Variants in DSCAML1 observed in about 807,000 individuals in gnomAD.
DSCAML1 encodes the protein DS cell adhesion molecule like 1.
In DSCAML1, 38 loss-of-function variants were observed where a neutral mutation model predicts 200.5. That is an observed-to-expected ratio of 0.19 (90% CI 0.15 to 0.25). The LOEUF (loss-of-function observed/expected upper bound fraction) is 0.25. Ranked by LOEUF, DSCAML1 falls within the 10% of genes least tolerant of loss-of-function variation. The pLI, the probability that DSCAML1 is intolerant of heterozygous loss-of-function variation, is 1.00. For synonymous variants in DSCAML1, 1,215 were observed against 1,165.0 expected (o/e 1.04, Z -0.87); for missense variants, 2,223 against 2,858.8 (o/e 0.78, Z 5.07).
rs749746754 is a variant in DSCAML1 at position 117,480,590 on chromosome 11, G to A, written c.2657-19C>T. 3 of 1,552,420 alleles carry A rather than the reference G, an allele frequency of 1.9e-6. No individual in the cohort carries two copies. In the South Asian group the frequency reaches 3.6e-5, roughly 18 times the overall value. On this transcript the variant is annotated intron_variant, in intron 13 of 32. Coordinates refer to ENST00000651296, the MANE Select transcript of DSCAML1 (RefSeq NM_020693.4). This position sits in a 1 kb window ranked among gnomAD's most constrained non-coding sequence, Gnocchi z 4.1. Reference sequence around the variant, plus strand: ...GGGGGCTCTAGGGTGCGGCAGTGGAGGGGAGGGAAGTGAGGAGGGCAGCAG... The same window carrying A: ...GGGGGCTCTAGGGTGCGGCAGTGGAAGGGAGGGAAGTGAGGAGGGCAGCAG...
chr11:117,761,716 A>T (rs376105630), intron 3 of DSCAML1, among the ~76,000 whole-genome samples: 7 of 152,170 alleles, frequency 4.6e-5, no homozygotes, highest in African/African-American at 1.2e-4. Flanking sequence ...ACAAAAAATT[A>T]AAAAATTAGC....
chr11:117,612,545 G>C (rs911315544), intron 3 of DSCAML1, among the ~76,000 whole-genome samples: 7 of 152,170 alleles, frequency 4.6e-5, no homozygotes, highest in African/African-American at 1.7e-4. Context: ...CCTTCCAGGA[G>C]GCAATAAAGA....
chr11:117,578,951 G>A (rs2050996812), intron 3 of DSCAML1, among the ~76,000 whole-genome samples: 3 of 152,124 alleles, frequency 2.0e-5, no homozygotes, highest in African/African-American at 7.2e-5. Flanking sequence ...CATTCCCCAT[G>A]AAGGGCATCC....
intron 3 of DSCAML1, among the ~76,000 whole-genome samples, chr11:117,577,598 G>A (rs1412530539): frequency 7.5e-6 from 1 of 132,758 alleles, no homozygotes; most frequent in Non-Finnish European, 1.6e-5. Context: ...ACGGAGCCTC[G>A]CTCTGTCGCC....
intron 2 of DSCAML1, among the ~76,000 whole-genome samples, chr11:117,778,480 G>T (rs548854940): frequency 1.3e-5 from 2 of 152,320 alleles, no homozygotes; most frequent in East Asian, 1.9e-4. Flanking sequence ...CCTGGACAAG[G>T]GTTGGTTAAC....
chr11:117,446,254 C>T (rs1406466847), intron 20 of DSCAML1, among the ~76,000 whole-genome samples: 2 of 152,188 alleles, frequency 1.3e-5, no homozygotes, highest in Non-Finnish European at 2.9e-5. Context: ...ATCCCAGTTA[C>T]TTGGGAGGCT....
intron 3 of DSCAML1, among the ~76,000 whole-genome samples, chr11:117,708,669 G>T (rs917320222): frequency 6.6e-6 from 1 of 152,158 alleles, no homozygotes; most frequent in Non-Finnish European, 1.5e-5. Context: ...TCATTTTCGG[G>T]ACTCAAACTG....
At chr11:117,673,795 A>G (rs1429058808) in intron 3 of DSCAML1, among the ~76,000 whole-genome samples, 2 of 152,194 alleles carry the variant, frequency 1.3e-5, no homozygotes, top group Non-Finnish European at 2.9e-5. Context: ...ATCAGCCTTT[A>G]TTAACTATTA....
intron 4 of DSCAML1, 113 bp downstream of exon 4, chr11:117,532,263 C>T (rs1344807899): frequency 9.7e-7 from 1 of 1,027,158 alleles, no homozygotes; most frequent in South Asian, 1.9e-5. Context: ...TCTCTGATTT[C>T]CCTGAGTACA....
intron 3 of DSCAML1, among the ~76,000 whole-genome samples, chr11:117,643,774 G>A (rs1366622869): frequency 1.3e-5 from 2 of 152,066 alleles, no homozygotes; most frequent in Admixed American, 6.5e-5. Flanking sequence ...TTATACCGCC[G>A]TCATCACCAT....
rs1263833407 is a variant in DSCAML1, at chr11:117,780,240, GAA to G, written c.364+251_364+252del. On this transcript the variant is annotated intron_variant, in intron 2 of 32. Coordinates refer to ENST00000651296, the MANE Select transcript of DSCAML1 (RefSeq NM_020693.4). The surrounding 1 kb of genome is among the most constrained non-coding windows in gnomAD (Gnocchi z 4.8). ...GAGAGAAAGAAAGAAAGGAAAGAAA[GAA>G]AGAAAGAAAGAAAGAAAGAAAGAAA... is the stretch of plus-strand genomic sequence containing the variant. Among the ~76,000 whole-genome samples, 5 of 62,476 alleles carry G rather than the reference GAA, an allele frequency of 8.0e-5. No individual in the cohort carries two copies. Among genetic ancestry groups the G allele is most frequent in the Non-Finnish European group, 1.7e-4 (5 of 29,344 alleles). The allele number at this position is 62,476 out of a possible 152,430, so 41.0% of individuals were successfully genotyped here. A position where few individuals can be genotyped will look rare whatever the true frequency, so the allele number is the denominator to read the frequency against.
chr11:117,607,620 A>G (rs140013459), intron 3 of DSCAML1, among the ~76,000 whole-genome samples: 357 of 152,300 alleles, frequency 2.3e-3, no homozygotes, highest in African/African-American at 7.1e-3. Context: ...CTCCCCAGTG[A>G]AGGCTGAGGC....
At position 117,439,417 on chromosome 11, in the gene DSCAML1, G is replaced by A; in HGVS notation, c.3993C>T (p.Ala1331=). Residue 1331 remains alanine, a synonymous_variant, in exon 23 of 33, where the codon GCC becomes GCT. Coordinates refer to ENST00000651296, the MANE Select transcript of DSCAML1 (RefSeq NM_020693.4). ...GGTGCCCATCCATGGACACTGGAAT[G>A]GCCGAGTCTTCACTGCCAGGGGCGA... ...VKWTKDSEDS[A]IPVSMDGHRL... is the part of the protein sequence containing the mutation. 6.2e-7 allele frequency: 1 copy of A among 1,612,864 alleles called. No homozygotes were observed. Among genetic ancestry groups the A allele is most frequent in the South Asian group, 1.1e-5 (1 of 91,042 alleles).
chr11:117,791,440 G>T (rs1393015190), intron 1 of DSCAML1, among the ~76,000 whole-genome samples: 1 of 152,260 alleles, frequency 6.6e-6, no homozygotes, highest in Non-Finnish European at 1.5e-5. Context: ...CTCCAGAATA[G>T]TTCTTACTCT....
chr11:117,712,189 G>A (rs1044010107), intron 3 of DSCAML1, among the ~76,000 whole-genome samples: 2 of 152,100 alleles, frequency 1.3e-5, no homozygotes, highest in Admixed American at 6.5e-5. Flanking sequence ...AATGCAACTG[G>A]GAAAATGCAG....
intron 3 of DSCAML1, among the ~76,000 whole-genome samples, chr11:117,617,939 C>G (rs575555818): frequency 1.2e-4 from 19 of 152,284 alleles, no homozygotes; most frequent in African/African-American, 4.6e-4. Flanking sequence ...GCCCAGGTAA[C>G]CATGCAGGAC....
chr11:117,574,597 T>G (rs183278005), intron 3 of DSCAML1, among the ~76,000 whole-genome samples: 21 of 152,216 alleles, frequency 1.4e-4, no homozygotes, highest in Non-Finnish European at 1.6e-4. Flanking sequence ...CCTCCCCTTA[T>G]CATCTTCCCT....
chr11:117,437,788 G>A lies in DSCAML1; in HGVS notation c.4432+107C>T. On this transcript the variant is annotated intron_variant, in intron 25 of 32. Coordinates refer to ENST00000651296, the MANE Select transcript of DSCAML1 (RefSeq NM_020693.4). The surrounding 1 kb of genome is among the most constrained non-coding windows in gnomAD (Gnocchi z 5.3). ...TCCCTTCAGTCTCCCTGCATCCCTG[G>A]ACCCCTCCTTCCCCACCCCAGCCAC... is the stretch of plus-strand genomic sequence containing the variant. The A allele has an allele frequency of 8.1e-7, 1 of 1,233,734 alleles. No individual in the cohort carries two copies. Among genetic ancestry groups the A allele is most frequent in the South Asian group, 1.6e-5 (1 of 63,776 alleles). 76.4% of individuals were successfully genotyped at this position (1,233,734 alleles called of 1,614,324 possible). A position where few individuals can be genotyped will look rare whatever the true frequency, so the allele number is the denominator to read the frequency against.
chr11:117,517,611 G>C (rs2049798025), intron 7 of DSCAML1, among the ~76,000 whole-genome samples: 2 of 152,172 alleles, frequency 1.3e-5, no homozygotes, highest in South Asian at 4.1e-4. Context: ...CTTGGCACAG[G>C]CAAATTCAAC....
Sources: allele counts gnomAD v4.1 joint callset (sites outside exome capture counted in the v4.1 genomes callset), GRCh38; gene constraint gnomAD v4.1.1; non-coding constraint Gnocchi (gnomAD v3.1); transcripts MANE v1.5; gene names NCBI Gene and HGNC (gene_info 2026-07-23, HGNC 2026-07-21).